SLC39A8: variants seen among roughly 807,000 people sequenced by gnomAD.
The protein encoded by SLC39A8 is solute carrier family 39 member 8.
In SLC39A8, 15 loss-of-function variants were observed where a neutral mutation model predicts 40.4. That is an observed-to-expected ratio of 0.37 (90% CI 0.25 to 0.57). The LOEUF (loss-of-function observed/expected upper bound fraction) is 0.57. Ranked by LOEUF, SLC39A8 falls within the 20% of genes least tolerant of loss-of-function variation. The pLI is 0.75. For synonymous variants in SLC39A8, 223 were observed against 221.6 expected (o/e 1.01, Z -0.06); for missense variants, 472 against 558.8 (o/e 0.84, Z 1.57).
intron 11 of SLC39A8, among the ~76,000 whole-genome samples, chr4:102,255,547 C>G (rs905677687): frequency 3.9e-5 from 6 of 152,118 alleles, no homozygotes; most frequent in South Asian, 2.1e-4. Context: ...TCTCCACATC[C>G]TTAGAAGTTT....
At chr4:102,327,366 T>G (rs368230762) in intron 2 of SLC39A8, among the ~76,000 whole-genome samples, 1 of 152,192 alleles carries the variant, frequency 6.6e-6, no homozygotes, top group Non-Finnish European at 1.5e-5. Context: ...TGTAAAAGGA[T>G]AGATGAATAC....
chr4:102,336,964 C>CT (rs1023716276), intron 2 of SLC39A8, among the ~76,000 whole-genome samples: 9 of 152,142 alleles, frequency 5.9e-5, no homozygotes, highest in African/African-American at 9.6e-5. Context: ...TAGTAACATT[C>CT]TTTTTTTAAA....
chr4:102,341,828 C>T (rs536580053), intron 2 of SLC39A8, among the ~76,000 whole-genome samples: 114 of 152,302 alleles, frequency 7.5e-4, no homozygotes, highest in African/African-American at 2.6e-3. Flanking sequence ...CTGAGAAAAG[C>T]TGACCTAATA....
rs180699124 is a variant in SLC39A8 at position 102,282,918 on chromosome 4, G to A, written c.841-14839C>T. Among the ~76,000 whole-genome samples, 424 of 152,208 alleles carry A rather than the reference G, an allele frequency of 2.8e-3. 3 individuals carry two copies. The highest frequency in any genetic ancestry group is 0.01 in the Middle Eastern group (3 of 294). Reference sequence around the variant, plus strand: ...ATTTTTTGTATTTTTAGTAGAGACAGGGTTTCACCGTGTTAGCCGGGATGG... The same window carrying A: ...ATTTTTTGTATTTTTAGTAGAGACAAGGTTTCACCGTGTTAGCCGGGATGG... On this transcript the variant is annotated intron_variant, in intron 6 of 8. Transcript: ENST00000356736.
At chr4:102,284,866 AT>A (rs1262769421) in intron 6 of SLC39A8, among the ~76,000 whole-genome samples, 3 of 151,954 alleles carry the variant, frequency 2.0e-5, no homozygotes, top group African/African-American at 7.3e-5. Context: ...TCCCTCACTT[AT>A]TTTTTCCAAT....
chr4:102,286,392 C>G (rs973817045), intron 6 of SLC39A8, among the ~76,000 whole-genome samples: 6 of 152,090 alleles, frequency 3.9e-5, no homozygotes, highest in East Asian at 1.9e-4. Context: ...TGACATCAAG[C>G]CTAATTGACT....
intron 7 of SLC39A8, 81 bp from the exon 8 acceptor site, chr4:102,267,755 A>G: frequency 3.3e-6 from 5 of 1,536,948 alleles, no homozygotes; most frequent in African/African-American, 2.8e-5. Flanking sequence ...ATCAATGTCC[A>G]ACAAGGTCTT....
intron 6 of SLC39A8, among the ~76,000 whole-genome samples, chr4:102,291,689 T>G (rs233806): frequency 6.6e-6 from 1 of 151,810 alleles, no homozygotes; most frequent in African/African-American, 2.4e-5. Context: ...TTCTTTGTTA[T>G]GCCCCTAAGG....
chr4:102,306,225 T>C (rs1734166658), intron 4 of SLC39A8, among the ~76,000 whole-genome samples: 1 of 151,870 alleles, frequency 6.6e-6, no homozygotes, highest in African/African-American at 2.4e-5. Flanking sequence ...CCACATACAG[T>C]ATTAGTTTGT....
chr4:102,331,073 G>A (rs1374171287), intron 2 of SLC39A8, among the ~76,000 whole-genome samples: 2 of 152,164 alleles, frequency 1.3e-5, no homozygotes, highest in South Asian at 2.1e-4. Context: ...ATATCATACT[G>A]AATGGGCAAA....
At chr4:102,340,079 G>T (rs1381893) in intron 2 of SLC39A8, among the ~76,000 whole-genome samples, 98 of 152,078 alleles carry the variant, frequency 6.4e-4, no homozygotes, top group African/African-American at 2.2e-3. Flanking sequence ...CATATGTCAT[G>T]TCTCCTCCAA....
intron 6 of SLC39A8, among the ~76,000 whole-genome samples, chr4:102,298,336 T>C (rs1000931760): frequency 6.6e-6 from 1 of 151,992 alleles, no homozygotes; most frequent in African/African-American, 2.4e-5. Flanking sequence ...TGCTCTGAGA[T>C]AGACCCAGTG....
chr4:102,315,846 C>CAAA lies in SLC39A8; in HGVS notation c.220-19_220-17dup. On this transcript the variant is annotated splice_polypyrimidine_tract_variant and intron_variant, in intron 2 of 8. Transcript: ENST00000356736. ...CAGTTAAACACTGAAATAGAATAAACAAAAAAAAAATGTGATAATAATGTG... is the reference window on the plus strand; with the variant it reads ...CAGTTAAACACTGAAATAGAATAAACAAAAAAAAAAAAATGTGATAATAATGTG... The CAAA allele has an allele frequency of 7.3e-7, 1 of 1,378,280 alleles. No homozygotes were observed. The allele number at this position is 1,378,280 out of a possible 1,614,324, so 85.4% of individuals were successfully genotyped here.
intron 8 of SLC39A8, among the ~76,000 whole-genome samples, chr4:102,266,769 G>A (rs1253863489): frequency 3.3e-5 from 5 of 151,980 alleles, no homozygotes; most frequent in African/African-American, 7.2e-5. Context: ...CACCACGCCC[G>A]GCTAATTTTT....
At position 102,307,510 on chromosome 4, in the gene SLC39A8, T is replaced by C. The variant is rs1032211107; in HGVS notation, c.478A>G (p.Lys160Glu). Reference sequence around the variant, plus strand: ...AGCCCCACAAAAAAGGTCAAAATCTTTGGGAAATAAGATTTCTTTATCAGT... The same window carrying C: ...AGCCCCACAAAAAAGGTCAAAATCTCTGGGAAATAAGATTTCTTTATCAGT... The part of the protein sequence containing the change: ...TPLIKKSYFP[K>E]ILTFFVGLAI... Residue 160 changes from lysine (K) to glutamate (E), a missense_variant, in exon 4 of 9, where the codon AAG (lysine) becomes GAG (glutamate). Physicochemically the swap from Lys to Glu is moderately conservative, Grantham distance 56. Around this residue, in one of 4 missense-constraint regions of SLC39A8, gnomAD observed 239 missense variants for 317.9 expected, o/e 0.75. Coordinates refer to ENST00000356736, the MANE Select transcript of SLC39A8 (RefSeq NM_001135146.2). The C allele has an allele frequency of 1.9e-6, 3 of 1,613,416 alleles. No individual in the cohort carries two copies. The highest frequency in any genetic ancestry group is 2.7e-5 in the African/African-American group (2 of 74,858).
At chr4:102,265,292 G>A (rs1732050030) in intron 8 of SLC39A8, among the ~76,000 whole-genome samples, 1 of 151,408 alleles carries the variant, frequency 6.6e-6, no homozygotes, top group Non-Finnish European at 1.5e-5. Context: ...GGAGGCCCAA[G>A]GAGAGGGAGA....
intron 3 of SLC39A8, 114 bp downstream of exon 3, chr4:102,315,554 A>G: frequency 1.2e-6 from 1 of 805,862 alleles, no homozygotes; most frequent in Non-Finnish European, 1.8e-6. Context: ...TTATTCGAAG[A>G]AGTTCTATGT....
At chr4:102,292,596 T>C (rs374360920) in intron 6 of SLC39A8, among the ~76,000 whole-genome samples, 19 of 152,214 alleles carry the variant, frequency 1.2e-4, no homozygotes, top group African/African-American at 4.3e-4. Flanking sequence ...AGTTGATAAG[T>C]GCTTATAAAT....
chr4:102,336,409 C>T (rs1735676398), intron 2 of SLC39A8, among the ~76,000 whole-genome samples: 1 of 152,148 alleles, frequency 6.6e-6, no homozygotes, highest in South Asian at 2.1e-4. Flanking sequence ...GCTGTATTCT[C>T]TAAGATAGTT....
Sources: allele counts gnomAD v4.1 joint callset (sites outside exome capture counted in the v4.1 genomes callset), GRCh38; gene constraint gnomAD v4.1.1; regional missense constraint gnomAD v4.1.1; transcripts MANE v1.5; gene names NCBI Gene and HGNC (gene_info 2026-07-23, HGNC 2026-07-21).